Variants in OXCT1 observed in about 807,000 individuals in gnomAD.
OXCT1 encodes the protein succinyl-CoA:3-ketoacid coenzyme A transferase 1, mitochondrial.
In OXCT1, 27 loss-of-function variants were observed where a neutral mutation model predicts 69.6. That is an observed-to-expected ratio of 0.39 (90% CI 0.29 to 0.54). OXCT1 has a LOEUF of 0.54. OXCT1 is among the 20% of genes least tolerant of loss of function. The probability of loss-of-function intolerance (pLI) is 0.72; values close to 1 mark genes in which losing one functional copy is unlikely to be tolerated. For missense variants in OXCT1, 437 were observed against 650.2 expected (o/e 0.67, Z 3.57); for synonymous variants, 202 against 217.8 (o/e 0.93, Z 0.64).
At chr5:41,833,874 A>G (rs961955772) in intron 7 of OXCT1, among the ~76,000 whole-genome samples, 9 of 152,126 alleles carry the variant, frequency 5.9e-5, no homozygotes, top group African/African-American at 2.2e-4. Flanking sequence ...CAACTTGGCC[A>G]ACGTGATGAA....
intron 7 of OXCT1, among the ~76,000 whole-genome samples, chr5:41,832,127 C>T (rs1748126360): frequency 6.6e-6 from 1 of 152,208 alleles, no homozygotes; most frequent in Admixed American, 6.5e-5. Flanking sequence ...GGTAAGAATG[C>T]AGACCTGGCT....
At chr5:41,803,286 A>G in intron 9 of OXCT1, 123 bp from the exon 10 acceptor site, 1 of 666,262 alleles carries the variant, frequency 1.5e-6, no homozygotes, top group Admixed American at 2.6e-5. Flanking sequence ...AATGTAATAA[A>G]TGAATATATT....
chr5:41,869,657 C>A (rs954382292), intron 1 of OXCT1, among the ~76,000 whole-genome samples: 1 of 152,200 alleles, frequency 6.6e-6, no homozygotes, highest in Non-Finnish European at 1.5e-5. Flanking sequence ...CGGATGGTTT[C>A]CCAGCTTGGC....
chr5:41,811,911 G>C (rs1450083932), intron 7 of OXCT1, among the ~76,000 whole-genome samples: 1 of 152,054 alleles, frequency 6.6e-6, no homozygotes, highest in African/African-American at 2.4e-5. Context: ...TATTTAAAGT[G>C]AGTTTAAAAG....
chr5:41,732,236 GA>G (rs1742668966), intron 16 of OXCT1, among the ~76,000 whole-genome samples: 1 of 152,158 alleles, frequency 6.6e-6, no homozygotes, highest in African/African-American at 2.4e-5. Context: ...ACATATTAAT[GA>G]AGAGACGTAT....
At chr5:41,845,566 T>TAA (rs965917646) in intron 5 of OXCT1, among the ~76,000 whole-genome samples, 11 of 143,882 alleles carry the variant, frequency 7.6e-5, no homozygotes, top group African/African-American at 2.8e-4. Flanking sequence ...CTGCTTTAAG[T>TAA]AAAAAAAAAA....
At chr5:41,836,916 T>C (rs1748391933) in intron 7 of OXCT1, among the ~76,000 whole-genome samples, 1 of 151,996 alleles carries the variant, frequency 6.6e-6, no homozygotes, top group Non-Finnish European at 1.5e-5. Context: ...TTTTGCAGAG[T>C]CTAGAAATAA....
intron 13 of OXCT1, among the ~76,000 whole-genome samples, chr5:41,789,432 G>T (rs1420550552): frequency 1.3e-5 from 2 of 152,110 alleles, no homozygotes; most frequent in Non-Finnish European, 2.9e-5. Context: ...ATTTAACAGT[G>T]CCTGACCCTT....
At chr5:41,818,074 G>A (rs1747335174) in intron 7 of OXCT1, among the ~76,000 whole-genome samples, 1 of 152,186 alleles carries the variant, frequency 6.6e-6, no homozygotes, top group Admixed American at 6.5e-5. Flanking sequence ...CTGACTCAGT[G>A]ACTCAAATAT....
At chr5:41,817,046 A>G (rs1747279361) in intron 7 of OXCT1, among the ~76,000 whole-genome samples, 1 of 152,204 alleles carries the variant, frequency 6.6e-6, no homozygotes, top group African/African-American at 2.4e-5. Flanking sequence ...CAAATCCAAA[A>G]TATCTTCCTG....
chr5:41,855,844 T>C (rs1451353943), intron 3 of OXCT1, among the ~76,000 whole-genome samples: 3 of 152,120 alleles, frequency 2.0e-5, no homozygotes, highest in Non-Finnish European at 4.4e-5. Flanking sequence ...AGGAGAAAGA[T>C]AGCAGAAAAA....
intron 7 of OXCT1, among the ~76,000 whole-genome samples, chr5:41,834,584 C>T (rs959894378): frequency 6.6e-6 from 1 of 150,912 alleles, no homozygotes; most frequent in Non-Finnish European, 1.5e-5. Context: ...GACAAAGAAG[C>T]TTATCATATA....
At chr5:41,793,284 C>T (rs901545571) in intron 13 of OXCT1, among the ~76,000 whole-genome samples, 6 of 152,146 alleles carry the variant, frequency 3.9e-5, no homozygotes, top group African/African-American at 9.7e-5. Context: ...AAAGAGCAAC[C>T]GGGCTACCAG....
At chr5:41,845,309 C>T (rs1330943054) in intron 5 of OXCT1, among the ~76,000 whole-genome samples, 1 of 152,216 alleles carries the variant, frequency 6.6e-6, no homozygotes, top group Non-Finnish European at 1.5e-5. Flanking sequence ...AAGAAGCTCT[C>T]CCTGGCCACC....
At chr5:41,845,117 T>A (rs982376336) in intron 5 of OXCT1, among the ~76,000 whole-genome samples, 1 of 152,154 alleles carries the variant, frequency 6.6e-6, no homozygotes, top group Non-Finnish European at 1.5e-5. Flanking sequence ...TCCATCCTTA[T>A]CACTCTCTGC....
intron 11 of OXCT1, among the ~76,000 whole-genome samples, chr5:41,797,132 G>C (rs1233216958): frequency 6.6e-6 from 1 of 152,220 alleles, no homozygotes; most frequent in African/African-American, 2.4e-5. Context: ...AAAAATTCCA[G>C]TTCTTTGTTT....
Position 41,859,891 on chromosome 5 carries a change from T to TATATATATATATATATATATGTA in OXCT1, c.278+1422_278+1423insTACATATATATATATATATATAT, listed in dbSNP as rs1554019118. Among the ~76,000 whole-genome samples, 74 of 114,194 alleles carry TATATATATATATATATATATGTA rather than the reference T, an allele frequency of 6.5e-4. 1 individual carries two copies. The highest frequency in any genetic ancestry group is 1.0e-3 in the Non-Finnish European group (54 of 51,726). 74.9% of individuals were successfully genotyped at this position (114,194 alleles called of 152,430 possible). A position where few individuals can be genotyped will look rare whatever the true frequency, so the allele number is the denominator to read the frequency against. ...TATATATATATATATATATATGTAA[T>TATATATATATATATATATATGTA]ATATATATATATATATACACACACA... On this transcript the variant is annotated intron_variant, in intron 3 of 16. Coordinates refer to ENST00000196371, the MANE Select transcript of OXCT1 (RefSeq NM_000436.4).
intron 13 of OXCT1, among the ~76,000 whole-genome samples, chr5:41,784,049 G>T (rs1745534895): frequency 6.6e-6 from 1 of 152,120 alleles, no homozygotes; most frequent in Non-Finnish European, 1.5e-5. Flanking sequence ...TAATGAATTT[G>T]CTTTTGTTCC....
At chr5:41,834,984 C>A (rs928611816) in intron 7 of OXCT1, among the ~76,000 whole-genome samples, 2 of 148,676 alleles carry the variant, frequency 1.3e-5, no homozygotes, top group Admixed American at 6.8e-5. Context: ...TAGATCAGAG[C>A]AGAAATAAAT....
Sources: gnomAD v4.1 joint callset for allele counts (sites outside exome capture counted in the v4.1 genomes callset) on GRCh38, gnomAD v4.1.1 for gene constraint, MANE v1.5 for transcripts, NCBI Gene and HGNC (gene_info 2026-07-23, HGNC 2026-07-21) for gene names.